The following MARCHF9 variants were observed in gnomAD, a reference collection of about 807,000 sequenced individuals.
MARCHF9 encodes the protein E3 ubiquitin-protein ligase MARCHF9.
A neutral mutation model predicts 35.2 loss-of-function variants in MARCHF9; 17 were observed. That is an observed-to-expected ratio of 0.48 (90% CI 0.33 to 0.72). The LOEUF is 0.72. Ranked by LOEUF, MARCHF9 falls within the 30% of genes least tolerant of loss-of-function variation. MARCHF9 has a pLI of 0.02. For synonymous variants in MARCHF9, 183 were observed against 207.4 expected, an observed-to-expected ratio of 0.88 and a Z score of 1.01; for missense variants, 386 against 478.2, an observed-to-expected ratio of 0.81 and a Z score of 1.80.
chr12:57,758,490 A>G lies in MARCHF9; in HGVS notation c.707-73A>G. 1 of 1,466,926 alleles carries G rather than the reference A, an allele frequency of 6.8e-7. No homozygotes were observed. The highest frequency in any genetic ancestry group is 9.2e-7 in the Non-Finnish European group (1 of 1,091,754). 90.9% of individuals were successfully genotyped at this position (1,466,926 alleles called of 1,614,324 possible). On this transcript the variant is annotated intron_variant, in intron 3 of 3. Coordinates refer to ENST00000266643, the MANE Select transcript of MARCHF9 (RefSeq NM_138396.6). This position sits in a 1 kb window ranked among gnomAD's most constrained non-coding sequence, Gnocchi z 5.4. The stretch of plus-strand genomic sequence containing the variant: ...CAACTGTATCTTCTCACTCTGAAGA[A>G]ATGCTTGCTTAAGTACCTCTGGCCT...
At position 57,759,866 on chromosome 12, in the gene MARCHF9, T is replaced by C. The variant is rs1273971152; in HGVS notation, c.*969T>C. 2 of 152,192 alleles carry C rather than the reference T, an allele frequency of 1.3e-5. No homozygotes were observed. The highest frequency in any genetic ancestry group is 4.8e-5 in the African/African-American group (2 of 41,426). 9.4% of individuals were successfully genotyped at this position (152,192 alleles called of 1,614,324 possible). On this transcript the variant is annotated 3_prime_UTR_variant, in exon 4 of 4. Coordinates refer to ENST00000266643, the MANE Select transcript of MARCHF9 (RefSeq NM_138396.6). The stretch of plus-strand genomic sequence containing the variant: ...TGGAATTTTGTGTTGAGTGACATAA[T>C]AGGTATGGAAATATGAGGGGAAATA...
Position 57,755,891 on chromosome 12 carries a change from G to T in MARCHF9, c.357+6G>T. ...GCTTCCAGGGCCCGGAGCAGGTCAG[G>T]CCTGGGCACCTGGCCGGGCGCGGAG... On this transcript the variant is annotated splice_donor_region_variant and intron_variant, in intron 1 of 3. Transcript: ENST00000266643. The T allele has an allele frequency of 6.7e-7, 1 of 1,499,586 alleles. No homozygotes were observed. Among genetic ancestry groups the T allele is most frequent in the Admixed American group, 2.1e-5 (1 of 46,562 alleles). 92.9% of individuals were successfully genotyped at this position (1,499,586 alleles called of 1,614,324 possible). A position where few individuals can be genotyped will look rare whatever the true frequency, so the allele number is the denominator to read the frequency against.
chr12:57,755,233 G>A lies in MARCHF9; in HGVS notation c.-296G>A, dbSNP rs1955275886. The A allele has an allele frequency of 5.4e-6, 1 of 185,864 alleles. No individual in the cohort carries two copies. Among genetic ancestry groups the A allele is most frequent in the Non-Finnish European group, 1.1e-5 (1 of 90,844 alleles). 11.5% of individuals were successfully genotyped at this position (185,864 alleles called of 1,614,324 possible). ...AGGAGGACCCGGGCGCGTAACCCCG[G>A]GGGCCCGGCCCGCTCCAGACCCAGA... On this transcript the variant is annotated 5_prime_UTR_variant, in exon 1 of 4. Coordinates refer to ENST00000266643, the MANE Select transcript of MARCHF9 (RefSeq NM_138396.6).
Position 57,759,128 on chromosome 12 carries a change from A to G in MARCHF9, c.*231A>G. The G allele has an allele frequency of 2.0e-6, 1 of 492,038 alleles. No homozygotes were observed. The highest frequency in any genetic ancestry group is 5.4e-4 in the Middle Eastern group (1 of 1,860). The allele number at this position is 492,038 out of a possible 1,614,324, so 30.5% of individuals were successfully genotyped here. On this transcript the variant is annotated 3_prime_UTR_variant, in exon 4 of 4. Coordinates refer to ENST00000266643, the MANE Select transcript of MARCHF9 (RefSeq NM_138396.6). ...GGCAGCTCCTCCCACTCATCCAGAG[A>G]CGGCCGGTGGGCAGGCGGGGAGAGC...
rs1322706744 is a variant in MARCHF9, at chr12:57,760,042, G to A, written c.*1145G>A. ...TCTATCAGTCCTTCTCAAGTACTGT[G>A]CTCACCCAGAAAAGCAGTGTGAAGT... is the stretch of plus-strand genomic sequence containing the variant. On this transcript the variant is annotated 3_prime_UTR_variant, in exon 4 of 4. Coordinates refer to ENST00000266643, the MANE Select transcript of MARCHF9 (RefSeq NM_138396.6). 3 of 152,232 alleles carry A rather than the reference G, an allele frequency of 2.0e-5. No homozygotes were observed. The highest frequency in any genetic ancestry group is 4.4e-5 in the Non-Finnish European group (3 of 68,060). The allele number at this position is 152,232 out of a possible 1,614,324, so 9.4% of individuals were successfully genotyped here.
At chr12:57,756,713 T>C (rs1955289747) in intron 1 of MARCHF9, among the ~76,000 whole-genome samples, 1 of 152,200 alleles carries the variant, frequency 6.6e-6, no homozygotes, top group Non-Finnish European at 1.5e-5. Context: ...CCTTTCCATC[T>C]TTCATCTCTT....
Position 57,758,363 on chromosome 12 carries a change from G to C in MARCHF9, c.706+63G>C. 1 of 1,521,942 alleles carries C rather than the reference G, an allele frequency of 6.6e-7. No homozygotes were observed. The highest frequency in any genetic ancestry group is 8.9e-7 in the Non-Finnish European group (1 of 1,124,622). 94.3% of individuals were successfully genotyped at this position (1,521,942 alleles called of 1,614,324 possible). A position where few individuals can be genotyped will look rare whatever the true frequency, so the allele number is the denominator to read the frequency against. ...TTCCTCTTACACACCTAACTCCCCTGCCCATCCCCTCAGTTTCCTGGCTTT... is the reference window on the plus strand; with the variant it reads ...TTCCTCTTACACACCTAACTCCCCTCCCCATCCCCTCAGTTTCCTGGCTTT... On this transcript the variant is annotated intron_variant, in intron 3 of 3. Transcript: ENST00000266643. This position sits in a 1 kb window ranked among gnomAD's most constrained non-coding sequence, Gnocchi z 5.4.
intron 1 of MARCHF9, among the ~76,000 whole-genome samples, chr12:57,756,624 TGA>T (rs1164285774): frequency 6.6e-6 from 1 of 152,180 alleles, no homozygotes; most frequent in Non-Finnish European, 1.5e-5. Flanking sequence ...GCCTTTCTTT[TGA>T]GAAGTCTTAA....
chr12:57,757,320 A>T (rs143967517), intron 2 of MARCHF9: 7 of 353,840 alleles, frequency 2.0e-5, no homozygotes, highest in Non-Finnish European at 3.4e-5. Context: ...GACAATCACC[A>T]CTCCCCACCC....
In MARCHF9 at chr12:57,759,260, G is replaced by T. The variant is rs940338975; in HGVS notation, c.*363G>T. 1.6e-4 allele frequency: 38 copies of T among 240,426 alleles called. No homozygotes were observed. The highest frequency in any genetic ancestry group is 2.4e-4 in the Non-Finnish European group (29 of 122,272). 14.9% of individuals were successfully genotyped at this position (240,426 alleles called of 1,614,324 possible). On this transcript the variant is annotated 3_prime_UTR_variant, in exon 4 of 4. Coordinates refer to ENST00000266643, the MANE Select transcript of MARCHF9 (RefSeq NM_138396.6). ...GAAGGGGGACCAATGCCAGAAGAAA[G>T]GGGCTGTAGACCCCTATTCCCCACC... is the stretch of plus-strand genomic sequence containing the variant.
At position 57,757,137 on chromosome 12, in the gene MARCHF9, G is replaced by A. The variant is rs1013751557; in HGVS notation, c.513+53G>A. Reference sequence around the variant, plus strand: ...TTGGGCGAGGACCTTTTAGCTATTGGACTCAGGGACCCTCCAGGAAGCCTA... The same window carrying A: ...TTGGGCGAGGACCTTTTAGCTATTGAACTCAGGGACCCTCCAGGAAGCCTA... On this transcript the variant is annotated intron_variant, in intron 2 of 3. Transcript: ENST00000266643. 2.9e-5 allele frequency: 42 copies of A among 1,443,458 alleles called. No homozygotes were observed. In the African/African-American group the frequency reaches 5.3e-4, roughly 18 times the overall value. The allele number at this position is 1,443,458 out of a possible 1,614,324, so 89.4% of individuals were successfully genotyped here.
intron 1 of MARCHF9, 39 bp downstream of exon 1, chr12:57,755,924 G>A (rs1955284172): frequency 1.4e-6 from 2 of 1,383,326 alleles, no homozygotes; most frequent in Admixed American, 2.9e-5. Flanking sequence ...GAGGGTGGAG[G>A]CGCGCACCTG....
Position 57,759,162 on chromosome 12 carries a change from T to G in MARCHF9, c.*265T>G. 1.2e-5 allele frequency: 5 copies of G among 425,522 alleles called. No individual in the cohort carries two copies. Among genetic ancestry groups the G allele is most frequent in the Non-Finnish European group, 2.1e-5 (5 of 236,576 alleles). The allele number at this position is 425,522 out of a possible 1,614,324, so 26.4% of individuals were successfully genotyped here. A position where few individuals can be genotyped will look rare whatever the true frequency, so the allele number is the denominator to read the frequency against. ...GGGCAGGCGGGGAGAGCAGCTTTCC[T>G]TCCCTGGAGAGAACCGTCTTTACCT... On this transcript the variant is annotated 3_prime_UTR_variant, in exon 4 of 4. Transcript: ENST00000266643.
In MARCHF9 at chr12:57,758,689, C is replaced by G; in HGVS notation, c.833C>G (p.Thr278Arg). The change falls in exon 4 of 4, where the codon ACG (threonine) becomes AGG (arginine). Residue 278 changes from threonine to arginine, a missense_variant. By Grantham distance (71) the Thr-to-Arg change is moderately conservative. Around this residue, in one of 3 missense-constraint regions of MARCHF9, gnomAD observed 111 missense variants for 112.4 expected, o/e 0.99. Transcript: ENST00000266643. This position sits in a 1 kb window ranked among gnomAD's most constrained non-coding sequence, Gnocchi z 5.4. ...ATAGGAGGAGATGCAGGGGGAGGGA[C>G]GGCAGGGAAGTCAGGCCCCAGGAAC... ...KDIGGDAGGG[T>R]AGKSGPRNSR... 6.2e-7 allele frequency: 1 copy of G among 1,612,684 alleles called. No homozygotes were observed. Among genetic ancestry groups the G allele is most frequent in the Non-Finnish European group, 8.5e-7 (1 of 1,179,368 alleles).
intron 2 of MARCHF9, chr12:57,757,796 G>A: frequency 5.0e-6 from 3 of 597,878 alleles, no homozygotes; most frequent in Non-Finnish European, 6.0e-6. Context: ...TTACAAACGA[G>A]GACACTGATG....
At position 57,758,140 on chromosome 12, in the gene MARCHF9, G is replaced by A. The variant is rs781478477; in HGVS notation, c.546G>A (p.Lys182=). The change falls in exon 3 of 4, where the codon AAG becomes AAA. Residue 182 remains lysine (K), a synonymous_variant. Coordinates refer to ENST00000266643, the MANE Select transcript of MARCHF9 (RefSeq NM_138396.6). The surrounding 1 kb of genome is among the most constrained non-coding windows in gnomAD (Gnocchi z 5.4). ...WQAISLTVIE[K]VQIAAIVLGS... Reference sequence around the variant, plus strand: ...CCATCTCCCTGACGGTCATCGAGAAGGTCCAGATTGCTGCCATAGTTCTGG... The same window carrying A: ...CCATCTCCCTGACGGTCATCGAGAAAGTCCAGATTGCTGCCATAGTTCTGG... 5 of 1,614,186 alleles carry A rather than the reference G, an allele frequency of 3.1e-6. No homozygotes were observed. Among genetic ancestry groups the A allele is most frequent in the South Asian group, 1.1e-5 (1 of 91,090 alleles).
rs1955298797 is a variant in MARCHF9, at chr12:57,758,186, AG to A, written c.593del (p.Ser198ThrfsTer38). 6.2e-7 allele frequency: 1 copy of A among 1,614,086 alleles called. No individual in the cohort carries two copies. The highest frequency in any genetic ancestry group is 8.5e-7 in the Non-Finnish European group (1 of 1,180,042). ...TCTGGGCTCGCTCTTCCTGGTTGCC[AG>A]CATCTCCTGGCTCATCTGGTCCTCA... ...IVLGSLFLVA[S>X]ISWLIWSSLS... On this transcript the variant is annotated frameshift_variant, in exon 3 of 4. Coordinates refer to ENST00000266643, the MANE Select transcript of MARCHF9 (RefSeq NM_138396.6). LOFTEE classifies it high-confidence loss of function. The surrounding 1 kb of genome is among the most constrained non-coding windows in gnomAD (Gnocchi z 5.4).
chr12:57,756,834 A>G (rs1955290422), intron 1 of MARCHF9, 95 bp from the exon 2 acceptor site: 3 of 1,298,014 alleles, frequency 2.3e-6, no homozygotes, highest in African/African-American at 1.5e-5. Flanking sequence ...AAGGTGGGAA[A>G]GTGACCTGAA....
rs1955277798 is a variant in MARCHF9, at chr12:57,755,404, C to A, written c.-125C>A. 2.1e-6 allele frequency: 1 copy of A among 468,358 alleles called. No individual in the cohort carries two copies. Among genetic ancestry groups the A allele is most frequent in the Non-Finnish European group, 3.4e-6 (1 of 291,164 alleles). The allele number at this position is 468,358 out of a possible 1,614,324, so 29.0% of individuals were successfully genotyped here. On this transcript the variant is annotated 5_prime_UTR_variant, in exon 1 of 4. Coordinates refer to ENST00000266643, the MANE Select transcript of MARCHF9 (RefSeq NM_138396.6). ...GGCAGCAGTGAACGGCTGTCGCAGG[C>A]CCCGAAGACCCCGGCCCGGCTCGGC...
Sources: gnomAD v4.1 joint callset for allele counts (sites outside exome capture counted in the v4.1 genomes callset) on GRCh38, gnomAD v4.1.1 for gene constraint, gnomAD v4.1.1 regional missense constraint, Gnocchi (gnomAD v3.1) non-coding constraint, MANE v1.5 for transcripts, NCBI Gene and HGNC (gene_info 2026-07-23, HGNC 2026-07-21) for gene names.